The following RANBP3 variants were observed in gnomAD, a reference collection of about 807,000 sequenced individuals.
RANBP3 encodes the protein ran-binding protein 3.
In RANBP3, 14 loss-of-function variants were observed where a neutral mutation model predicts 77.3. The observed-to-expected ratio is 0.18, with a 90% CI of 0.12 to 0.28. The LOEUF (loss-of-function observed/expected upper bound fraction) is 0.28. Among genes scored for constraint, RANBP3 ranks in the 10% least tolerant of loss-of-function variants. The pLI is 1.00. For missense variants in RANBP3, 586 were observed against 752.3 expected (o/e 0.78, Z 2.59); for synonymous variants, 315 against 312.4 (o/e 1.01, Z -0.09).
chr19:5,944,037 C>T (rs2058172262), intron 3 of RANBP3, among the ~76,000 whole-genome samples: 1 of 152,232 alleles, frequency 6.6e-6, no homozygotes, highest in South Asian at 2.1e-4. Context: ...GCCCAGCCTT[C>T]GGTCTCCTCA....
chr19:5,923,434 C>T (rs1045183804), intron 12 of RANBP3, 131 bp from the exon 13 acceptor site: 14 of 838,728 alleles, frequency 1.7e-5, no homozygotes, highest in East Asian at 5.2e-5. Context: ...AGGCCTGCCC[C>T]GGCAACCCAA....
At chr19:5,962,033 C>T (rs572247015) in intron 1 of RANBP3, among the ~76,000 whole-genome samples, 39 of 152,104 alleles carry the variant, frequency 2.6e-4, no homozygotes, top group South Asian at 6.2e-4. Context: ...GCCTGCCCTG[C>T]TGCACTCCCT....
intron 8 of RANBP3, among the ~76,000 whole-genome samples, chr19:5,929,232 G>C (rs1436001015): frequency 6.6e-6 from 1 of 152,244 alleles, no homozygotes; most frequent in Non-Finnish European, 1.5e-5. Context: ...GCATCCTTGT[G>C]CCTGTGCAAG....
chr19:5,946,794 C>A (rs182673794), intron 3 of RANBP3, among the ~76,000 whole-genome samples: 28 of 152,280 alleles, frequency 1.8e-4, no homozygotes, highest in Middle Eastern at 3.4e-3. Context: ...GGTGAAGGAA[C>A]CTTTAAGCCA....
chr19:5,947,748 C>T (rs758077689), intron 3 of RANBP3, among the ~76,000 whole-genome samples: 35 of 152,072 alleles, frequency 2.3e-4, no homozygotes, highest in Non-Finnish European at 4.3e-4. Flanking sequence ...TCCCTGCCGG[C>T]GGGGTGGGGG....
In RANBP3 at chr19:5,958,975, G is replaced by C. The variant is rs1480288448; in HGVS notation, c.23-1002C>G. 6.6e-6 allele frequency among the ~76,000 whole-genome samples: 1 copy of C among 152,248 alleles called. No individual in the cohort carries two copies. Among genetic ancestry groups the C allele is most frequent in the Non-Finnish European group, 1.5e-5 (1 of 68,040 alleles). Reference sequence around the variant, plus strand: ...TGCCTTCGCAGGCCCCCCGACCCCGGTCGTGGGGAGCCAGGCATTACCCAG... The same window carrying C: ...TGCCTTCGCAGGCCCCCCGACCCCGCTCGTGGGGAGCCAGGCATTACCCAG... On this transcript the variant is annotated intron_variant, in intron 1 of 16. Coordinates refer to ENST00000340578, the MANE Select transcript of RANBP3 (RefSeq NM_007322.3). This position sits in a 1 kb window ranked among gnomAD's most constrained non-coding sequence, Gnocchi z 4.4.
In RANBP3 at chr19:5,952,553, A is replaced by G. The variant is rs1284999320; in HGVS notation, c.79-957T>C. Among the ~76,000 whole-genome samples, 1 of 152,206 alleles carries G rather than the reference A, an allele frequency of 6.6e-6. No homozygotes were observed. The highest frequency in any genetic ancestry group is 1.5e-5 in the Non-Finnish European group (1 of 68,038). ...CCAGTCCCCAAACCTCCCTCTTGGC[A>G]TCGTCCAACGACATGGAGCCATTTC... On this transcript the variant is annotated intron_variant, in intron 2 of 16. Transcript: ENST00000340578. The surrounding 1 kb of genome is among the most constrained non-coding windows in gnomAD (Gnocchi z 4.1).
At chr19:5,964,683 C>A (rs1028371185) in intron 1 of RANBP3, among the ~76,000 whole-genome samples, 2 of 152,038 alleles carry the variant, frequency 1.3e-5, no homozygotes, top group Admixed American at 1.3e-4. Context: ...CAGCATTTGG[C>A]CACATGACCG....
intron 15 of RANBP3, 151 bp downstream of exon 15, chr19:5,918,345 G>A: frequency 1.2e-6 from 1 of 837,656 alleles, no homozygotes; most frequent in Admixed American, 3.0e-5. Flanking sequence ...GGCTGGGACT[G>A]GCGGGTCCCA....
At chr19:5,933,528 C>A (rs747557758) in intron 5 of RANBP3, 49 bp from the exon 6 acceptor site, 1 of 1,559,040 alleles carries the variant, frequency 6.4e-7, no homozygotes, top group South Asian at 1.1e-5. Flanking sequence ...TGGGCTGGGG[C>A]TGGGCCTGGG....
intron 10 of RANBP3, 113 bp downstream of exon 10, chr19:5,925,521 C>A (rs2057893330): frequency 1.1e-6 from 1 of 913,960 alleles, no homozygotes; most frequent in Non-Finnish European, 1.7e-6. Flanking sequence ...CTGAGAGCAA[C>A]CTGGATTCTG....
At chr19:5,918,389 C>CGGGGGGGGGGGGG in intron 15 of RANBP3, 107 bp downstream of exon 15, 1 of 236,546 alleles carries the variant, frequency 4.2e-6, no homozygotes. Context: ...GCAACTGAAG[C>CGGGGGGGGGGGGG]CCCTCCCCCC....
rs1177970671 is a variant in RANBP3 at position 5,951,700 on chromosome 19, C to A, written c.79-104G>T. ...AGGCTGGAGCTGGCTCAGCTTGCAG[C>A]AGCTCCTGCGCCTGGGAGGAAGATG... On this transcript the variant is annotated intron_variant, in intron 2 of 16. Coordinates refer to ENST00000340578, the MANE Select transcript of RANBP3 (RefSeq NM_007322.3). 3 of 1,051,982 alleles carry A rather than the reference C, an allele frequency of 2.9e-6. No homozygotes were observed. The Admixed American group carries it at 6.2e-5, about 22-fold the overall frequency. 65.2% of individuals were successfully genotyped at this position (1,051,982 alleles called of 1,614,324 possible).
At chr19:5,969,052 A>C (rs2058500838) in intron 1 of RANBP3, among the ~76,000 whole-genome samples, 1 of 152,146 alleles carries the variant, frequency 6.6e-6, no homozygotes, top group Non-Finnish European at 1.5e-5. Context: ...TCCCAGGCAG[A>C]GGGGACCCCA....
At position 5,921,340 on chromosome 19, in the gene RANBP3, C is replaced by A. The variant is rs765303794; in HGVS notation, c.1210-19G>T. On this transcript the variant is annotated intron_variant, in intron 13 of 16. Transcript: ENST00000340578. This position sits in a 1 kb window ranked among gnomAD's most constrained non-coding sequence, Gnocchi z 5.3. ...ACTGCATCTGGAACACAGTGGCCGC[C>A]GGTAAGCAGGGACCCCAGCTGGTGT... 6.2e-7 allele frequency: 1 copy of A among 1,612,292 alleles called. No individual in the cohort carries two copies. Among genetic ancestry groups the A allele is most frequent in the South Asian group, 1.1e-5 (1 of 90,942 alleles).
intron 2 of RANBP3, 118 bp from the exon 3 acceptor site, chr19:5,951,714 G>T: frequency 1.1e-6 from 1 of 934,246 alleles, no homozygotes; most frequent in Non-Finnish European, 1.6e-6. Flanking sequence ...TCCTGCGCCT[G>T]GGAGGAAGAT....
chr19:5,917,762 AT>A (rs1268471150), intron 16 of RANBP3, 31 bp downstream of exon 16: 2 of 1,590,414 alleles, frequency 1.3e-6, no homozygotes, highest in Non-Finnish European at 1.7e-6. Context: ...AGCTCTTTCT[AT>A]CCCCCCCAGG....
intron 1 of RANBP3, among the ~76,000 whole-genome samples, chr19:5,971,082 C>T (rs529031848): frequency 1.1e-4 from 17 of 152,306 alleles, no homozygotes; most frequent in African/African-American, 3.1e-4. Flanking sequence ...CCCTTTTCCA[C>T]GCTTGTCAAT....
chr19:5,917,746 G>T, intron 16 of RANBP3, 48 bp downstream of exon 16: 1 of 1,585,756 alleles, frequency 6.3e-7, no homozygotes, highest in East Asian at 2.3e-5. Flanking sequence ...ATCAAGGATG[G>T]CGGGCAGCTC....
Sources: allele counts gnomAD v4.1 joint callset (sites outside exome capture counted in the v4.1 genomes callset), GRCh38; gene constraint gnomAD v4.1.1; non-coding constraint Gnocchi (gnomAD v3.1); transcripts MANE v1.5; gene names NCBI Gene and HGNC (gene_info 2026-07-23, HGNC 2026-07-21).